The following MDGA2 variants were observed in gnomAD, a reference collection of about 807,000 sequenced individuals.
MDGA2 encodes the protein MAM domain containing glycosylphosphatidylinositol anchor 2.
In MDGA2, 40 loss-of-function variants were observed where a neutral mutation model predicts 117.8. The observed-to-expected ratio is 0.34, with a 90% CI of 0.26 to 0.44. The LOEUF is 0.44. Among genes scored for constraint, MDGA2 ranks in the 20% least tolerant of loss-of-function variants. MDGA2 has a pLI of 1.00. For missense variants in MDGA2, 1,123 were observed against 1,250.6 expected, an observed-to-expected ratio of 0.90 and a Z score of 1.54; for synonymous variants, 452 against 439.0, an observed-to-expected ratio of 1.03 and a Z score of -0.37.
chr14:47,273,457 A>G (rs547004445), intron 2 of MDGA2, among the ~76,000 whole-genome samples: 94 of 152,304 alleles, frequency 6.2e-4, no homozygotes, highest in Admixed American at 1.0e-3. Flanking sequence ...AACGAAAGAT[A>G]AAATAGTCAT....
At chr14:46,866,613 A>C (rs1366114257) in intron 14 of MDGA2, among the ~76,000 whole-genome samples, 2 of 152,138 alleles carry the variant, frequency 1.3e-5, no homozygotes, top group East Asian at 1.9e-4. Context: ...CAACCTACAA[A>C]ATGGGAGAAA....
intron 14 of MDGA2, among the ~76,000 whole-genome samples, chr14:46,867,876 A>G (rs1267938655): frequency 6.6e-6 from 1 of 151,842 alleles, no homozygotes; most frequent in Non-Finnish European, 1.5e-5. Context: ...TAGTTGCCAG[A>G]GCATATAGAT....
intron 15 of MDGA2, among the ~76,000 whole-genome samples, chr14:46,851,907 A>T (rs964555656): frequency 1.2e-4 from 6 of 51,596 alleles, no homozygotes; most frequent in Admixed American, 4.6e-4. Flanking sequence ...ATTTTTGGGT[A>T]AAAAAAAAAA....
At chr14:47,138,445 C>T (rs1341643653) in intron 4 of MDGA2, among the ~76,000 whole-genome samples, 1 of 151,872 alleles carries the variant, frequency 6.6e-6, no homozygotes, top group Non-Finnish European at 1.5e-5. Context: ...TACAAAAGTT[C>T]TAGACTAATG....
chr14:47,303,757 C>T (rs1042459834), intron 1 of MDGA2, among the ~76,000 whole-genome samples: 1 of 13,148 alleles, frequency 7.6e-5, no homozygotes, highest in Non-Finnish European at 1.8e-4. Flanking sequence ...ATAGTGATAG[C>T]CCACGTTTAT....
chr14:47,164,352 T>C (rs939081618), intron 3 of MDGA2, among the ~76,000 whole-genome samples: 3 of 152,120 alleles, frequency 2.0e-5, no homozygotes, highest in Non-Finnish European at 2.9e-5. Context: ...AATCTCCTCA[T>C]CTGACAAAGG....
intron 3 of MDGA2, among the ~76,000 whole-genome samples, chr14:47,153,362 A>C (rs781015176): frequency 1.2e-4 from 18 of 152,160 alleles, no homozygotes; most frequent in Admixed American, 6.5e-5. Context: ...AAAAGGTGGG[A>C]GTTAAAAAAG....
intron 6 of MDGA2, among the ~76,000 whole-genome samples, chr14:47,080,354 T>C (rs966388345): frequency 1.3e-5 from 2 of 152,206 alleles, no homozygotes; most frequent in Non-Finnish European, 2.9e-5. Flanking sequence ...ATGGAGACTT[T>C]GGAAAGGTTT....
chr14:46,897,879 T>G (rs1167965410), intron 10 of MDGA2, among the ~76,000 whole-genome samples: 1 of 151,898 alleles, frequency 6.6e-6, no homozygotes, highest in African/African-American at 2.4e-5. Context: ...TTATCTATTT[T>G]TGGAAATCGG....
At chr14:47,370,526 T>TGTGTGTG (rs58683887) in intron 1 of MDGA2, among the ~76,000 whole-genome samples, 13 of 135,944 alleles carry the variant, frequency 9.6e-5, no homozygotes, top group South Asian at 2.4e-4. Context: ...TGTGTGTGTG[T>TGTGTGTG]TTAAGATTTT....
In MDGA2 at chr14:47,407,836, A is replaced by G. The variant is rs146851978; in HGVS notation, c.281-106286T>C. ...AGGCCTCCCTTCAGACACCGAATACATTAGTTAAACAAAACAGGTGCAGAT... is the reference window on the plus strand; with the variant it reads ...AGGCCTCCCTTCAGACACCGAATACGTTAGTTAAACAAAACAGGTGCAGAT... On this transcript the variant is annotated intron_variant, in intron 1 of 16. Transcript: ENST00000399232. 3.6e-4 allele frequency among the ~76,000 whole-genome samples: 55 copies of G among 152,290 alleles called. No homozygotes were observed. In the South Asian group the frequency reaches 6.4e-3, roughly 18 times the overall value.
intron 6 of MDGA2, among the ~76,000 whole-genome samples, chr14:47,087,814 A>G (rs1890961588): frequency 6.6e-6 from 1 of 151,848 alleles, no homozygotes; most frequent in Non-Finnish European, 1.5e-5. Flanking sequence ...AAAAAAAAAA[A>G]AAAAACTACC....
chr14:47,641,818 A>G (rs1793698400), intron 1 of MDGA2, among the ~76,000 whole-genome samples: 1 of 152,178 alleles, frequency 6.6e-6, no homozygotes, highest in African/African-American at 2.4e-5. Flanking sequence ...ATAAAATGCC[A>G]TTTCAGAAGT....
At chr14:47,282,717 A>AAAC (rs1555369734) in intron 2 of MDGA2, among the ~76,000 whole-genome samples, 201 of 148,272 alleles carry the variant, frequency 1.4e-3, no homozygotes, top group African/African-American at 3.2e-3. Context: ...ACAAAAAACA[A>AAAC]AAAACAAAAA....
At chr14:47,529,885 C>G (rs1895058070) in intron 1 of MDGA2, among the ~76,000 whole-genome samples, 1 of 152,194 alleles carries the variant, frequency 6.6e-6, no homozygotes, top group Non-Finnish European at 1.5e-5. Context: ...TTCACCATTC[C>G]TGTTTGCCAT....
chr14:47,593,197 G>A (rs1255996849), intron 1 of MDGA2, among the ~76,000 whole-genome samples: 1 of 152,162 alleles, frequency 6.6e-6, no homozygotes, highest in East Asian at 1.9e-4. Flanking sequence ...TTTCACGCCC[G>A]TCTGAATGGC....
intron 1 of MDGA2, among the ~76,000 whole-genome samples, chr14:47,520,592 G>C (rs1164449466): frequency 6.6e-6 from 1 of 152,146 alleles, no homozygotes; most frequent in Admixed American, 6.5e-5. Context: ...AGTAAGTGTA[G>C]TCAGAAAACA....
intron 1 of MDGA2, among the ~76,000 whole-genome samples, chr14:47,469,415 T>A (rs545867652): frequency 6.6e-6 from 1 of 152,306 alleles, no homozygotes; most frequent in East Asian, 1.9e-4. Context: ...TTTGGTTTTT[T>A]GTCCTTGCAA....
intron 3 of MDGA2, among the ~76,000 whole-genome samples, chr14:47,154,462 C>A (rs903028238): frequency 6.6e-6 from 1 of 152,106 alleles, no homozygotes; most frequent in Non-Finnish European, 1.5e-5. Flanking sequence ...GCTGCAGCCA[C>A]CCAGCCGCAG....
Sources: allele counts gnomAD v4.1 joint callset (sites outside exome capture counted in the v4.1 genomes callset), GRCh38; gene constraint gnomAD v4.1.1; transcripts MANE v1.5; gene names NCBI Gene and HGNC (gene_info 2026-07-23, HGNC 2026-07-21).